Variants in HACD3 observed in about 807,000 individuals in gnomAD.
The protein encoded by HACD3 is very-long-chain (3R)-3-hydroxyacyl-CoA dehydratase 3.
In HACD3, 30 loss-of-function variants were observed where a neutral mutation model predicts 55.2. The observed-to-expected ratio is 0.54, with a 90% CI of 0.41 to 0.74. The LOEUF (loss-of-function observed/expected upper bound fraction) is 0.74. HACD3 is among the 30% of genes least tolerant of loss of function. HACD3 has a pLI of 0.00. For missense variants in HACD3, 363 were observed against 440.1 expected (o/e 0.82, Z 1.57); for synonymous variants, 141 against 151.7 (o/e 0.93, Z 0.52).
chr15:65,563,851 T>A (rs889128761), intron 6 of HACD3, among the ~76,000 whole-genome samples: 2 of 152,036 alleles, frequency 1.3e-5, no homozygotes, highest in East Asian at 1.9e-4. Context: ...GTGCCTGTAG[T>A]CCCAGCTACT....
chr15:65,568,238 A>G (rs954900148), intron 7 of HACD3, among the ~76,000 whole-genome samples: 5 of 151,522 alleles, frequency 3.3e-5, no homozygotes, highest in Non-Finnish European at 7.4e-5. Context: ...CATAGTTTCT[A>G]TTTTACAAGA....
chr15:65,551,944 G>GA (rs767105130), intron 2 of HACD3: 9,267 of 337,910 alleles, frequency 0.027, no homozygotes, highest in Middle Eastern at 0.038. Flanking sequence ...TACAGTGAAG[G>GA]AAAAAAAAAA....
In HACD3 at chr15:65,564,133, C is replaced by T. The variant is rs747517707; in HGVS notation, c.533-82C>T. On this transcript the variant is annotated intron_variant, in intron 6 of 10. Transcript: ENST00000261875. ...TATTCCTTTCTTACAGTTATTTTCA[C>T]GAAAGGAGTAATCTAGTTTGAGAAA... is the stretch of plus-strand genomic sequence containing the variant. The T allele has an allele frequency of 3.6e-4, 527 of 1,467,176 alleles. 1 individual carries two copies. The highest frequency in any genetic ancestry group is 4.5e-4 in the Non-Finnish European group (482 of 1,061,608). The allele number at this position is 1,467,176 out of a possible 1,614,324, so 90.9% of individuals were successfully genotyped here.
rs895519525 is a variant in HACD3, at chr15:65,577,536, C to T, written c.*1157C>T. ...AGTATGTAGGTCAAACTGGCAGTAA[C>T]AGTGTACAGCCTTTGACAAACTAGA... On this transcript the variant is annotated 3_prime_UTR_variant, in exon 11 of 11. Coordinates refer to ENST00000261875, the MANE Select transcript of HACD3 (RefSeq NM_016395.4). 6.6e-6 allele frequency: 1 copy of T among 152,274 alleles called. No individual in the cohort carries two copies. Among genetic ancestry groups the T allele is most frequent in the African/African-American group, 2.4e-5 (1 of 41,422 alleles). The allele number at this position is 152,274 out of a possible 1,614,324, so 9.4% of individuals were successfully genotyped here. A position where few individuals can be genotyped will look rare whatever the true frequency, so the allele number is the denominator to read the frequency against.
intron 7 of HACD3, 100 bp downstream of exon 7, chr15:65,564,442 A>C (rs2072272704): frequency 7.1e-6 from 10 of 1,405,188 alleles, no homozygotes; most frequent in Non-Finnish European, 7.7e-6. Flanking sequence ...ATAAAGACAT[A>C]CCTGAGACTG....
intron 6 of HACD3, among the ~76,000 whole-genome samples, chr15:65,563,264 A>G (rs2072260997): frequency 6.6e-6 from 1 of 152,162 alleles, no homozygotes; most frequent in Non-Finnish European, 1.5e-5. Flanking sequence ...TTGGAGCCTA[A>G]ATACGTTCTA....
In HACD3 at chr15:65,569,233, GC is replaced by G. The variant is rs572826745; in HGVS notation, c.661-857del. Among the ~76,000 whole-genome samples the G allele has an allele frequency of 5.0e-4, 68 of 135,786 alleles. 1 individual carries two copies. The highest frequency in any genetic ancestry group is 3.6e-3 in the Middle Eastern group (1 of 280). The allele number at this position is 135,786 out of a possible 152,430, so 89.1% of individuals were successfully genotyped here. A position where few individuals can be genotyped will look rare whatever the true frequency, so the allele number is the denominator to read the frequency against. ...ACTGCACTCCAGCCTGGACGACAGA[GC>G]GAGACTCTGTCTCAAAAAAAAAAAA... On this transcript the variant is annotated intron_variant, in intron 7 of 10. Transcript: ENST00000261875.
chr15:65,533,423 C>A (rs939417130), intron 1 of HACD3, among the ~76,000 whole-genome samples: 43 of 152,168 alleles, frequency 2.8e-4, no homozygotes, highest in Non-Finnish European at 8.8e-5. Flanking sequence ...ACTGTAATTG[C>A]TACAGGAGTA....
At chr15:65,564,051 G>A (rs1290943956) in intron 6 of HACD3, among the ~76,000 whole-genome samples, 164 bp from the exon 7 acceptor site, 1 of 152,010 alleles carries the variant, frequency 6.6e-6, no homozygotes, top group Non-Finnish European at 1.5e-5. Flanking sequence ...TGACCCCATT[G>A]GCCTGCACCC....
intron 7 of HACD3, chr15:65,566,527 C>T (rs541989311): frequency 1.0e-4 from 16 of 160,492 alleles, no homozygotes; most frequent in Middle Eastern, 3.0e-3. Context: ...CTGATAAGCC[C>T]GCCAGATCTT....
Position 65,578,167 on chromosome 15 carries a change from T to A in HACD3, c.*1788T>A, listed in dbSNP as rs899228839. On this transcript the variant is annotated 3_prime_UTR_variant, in exon 11 of 11. Transcript: ENST00000261875. ...TGTCTGTAACACCTGTCAATACTTG[T>A]TTGTATTGATTTCTGATATTCTTGC... 7.2e-5 allele frequency: 11 copies of A among 152,190 alleles called. No homozygotes were observed. Among genetic ancestry groups the A allele is most frequent in the African/African-American group, 2.7e-4 (11 of 41,430 alleles). 9.4% of individuals were successfully genotyped at this position (152,190 alleles called of 1,614,324 possible). A position where few individuals can be genotyped will look rare whatever the true frequency, so the allele number is the denominator to read the frequency against.
chr15:65,568,206 G>A (rs1015718508), intron 7 of HACD3, among the ~76,000 whole-genome samples: 2 of 152,010 alleles, frequency 1.3e-5, no homozygotes, highest in African/African-American at 4.8e-5. Context: ...ACAGACGTGA[G>A]CCACCGTGCC....
Position 65,548,108 on chromosome 15 carries a change from GA to G in HACD3, c.88-3561del, listed in dbSNP as rs1169320725. Among the ~76,000 whole-genome samples the G allele has an allele frequency of 3.3e-5, 5 of 152,196 alleles. No homozygotes were observed. The East Asian group carries it at 9.7e-4, about 29-fold the overall frequency. ...ACTTAGATGGGCACTTTAGTCAGAG[GA>G]AAAAAAGCAACTGGAATGTGAATTC... On this transcript the variant is annotated intron_variant, in intron 1 of 10. Coordinates refer to ENST00000261875, the MANE Select transcript of HACD3 (RefSeq NM_016395.4).
intron 1 of HACD3, chr15:65,535,634 TC>T (rs1311716826): frequency 2.5e-6 from 1 of 402,340 alleles, no homozygotes; most frequent in East Asian, 3.6e-5. Flanking sequence ...TTGGAATAGT[TC>T]AGATTTTTTC....
At chr15:65,563,235 CA>C (rs1187426448) in intron 6 of HACD3, among the ~76,000 whole-genome samples, 3 of 152,000 alleles carry the variant, frequency 2.0e-5, no homozygotes, top group Admixed American at 2.0e-4. Flanking sequence ...TATGCAAGGC[CA>C]AAAGGGTTCT....
chr15:65,530,779 A>AC (rs1236880713), intron 1 of HACD3, 61 bp downstream of exon 1: 4 of 1,436,704 alleles, frequency 2.8e-6, no homozygotes, highest in South Asian at 1.3e-5. Flanking sequence ...ACCCGCCAGG[A>AC]CCCCTGCCCC....
intron 6 of HACD3, among the ~76,000 whole-genome samples, chr15:65,563,968 C>CAA (rs964101761): frequency 7.3e-6 from 1 of 136,712 alleles, no homozygotes. Context: ...GACTCCATCT[C>CAA]AAAAAAAAAA....
intron 2 of HACD3, among the ~76,000 whole-genome samples, chr15:65,552,182 A>T (rs2141213340): frequency 6.6e-6 from 1 of 152,322 alleles, no homozygotes; most frequent in South Asian, 2.1e-4. Flanking sequence ...GGTCACTTTA[A>T]GTGATATTTG....
intron 1 of HACD3, among the ~76,000 whole-genome samples, chr15:65,547,705 A>G (rs77291118): frequency 0.047 from 7,234 of 152,324 alleles, 580 homozygotes; most frequent in African/African-American, 0.17. Context: ...AAATTTGAAG[A>G]TAAATACTAA....
Sources: gnomAD v4.1 joint callset for allele counts (sites outside exome capture counted in the v4.1 genomes callset) on GRCh38, gnomAD v4.1.1 for gene constraint, MANE v1.5 for transcripts, NCBI Gene and HGNC (gene_info 2026-07-23, HGNC 2026-07-21) for gene names.